The following PIP4K2A variants were observed in gnomAD, a reference collection of about 807,000 sequenced individuals.
The protein encoded by PIP4K2A is phosphatidylinositol-5-phosphate 4-kinase type 2 alpha.
PIP4K2A carries 14 observed loss-of-function variants against 42.9 expected under a neutral mutation model. The ratio of observed to expected loss-of-function variants is 0.33; its 90% confidence interval spans 0.22 to 0.51. The LOEUF is 0.51. PIP4K2A is among the 20% of genes least tolerant of loss of function. The pLI is 0.97. For synonymous variants in PIP4K2A, 192 were observed against 192.2 expected, an observed-to-expected ratio of 1.00 and a Z score of 0.01; for missense variants, 434 against 519.8, an observed-to-expected ratio of 0.83 and a Z score of 1.61.
chr10:22,544,552 G>A (rs1564413762), intron 7 of PIP4K2A, among the ~76,000 whole-genome samples: 1 of 152,154 alleles, frequency 6.6e-6, no homozygotes, highest in Non-Finnish European at 1.5e-5. Flanking sequence ...AGAGGTGACA[G>A]GGAAAAGGCC....
At chr10:22,608,228 T>C (rs972903440) in intron 2 of PIP4K2A, among the ~76,000 whole-genome samples, 1 of 152,190 alleles carries the variant, frequency 6.6e-6, no homozygotes, top group Admixed American at 6.5e-5. Flanking sequence ...GTCTCCTTTG[T>C]CACAGGCACG....
At chr10:22,542,991 T>TG (rs2130744554) in intron 7 of PIP4K2A, among the ~76,000 whole-genome samples, 1 of 152,286 alleles carries the variant, frequency 6.6e-6, no homozygotes, top group South Asian at 2.1e-4. Flanking sequence ...GCCACCTCGC[T>TG]GGGGAATGCA....
At chr10:22,572,765 C>T (rs1464248336) in intron 5 of PIP4K2A, among the ~76,000 whole-genome samples, 2 of 152,176 alleles carry the variant, frequency 1.3e-5, no homozygotes, top group East Asian at 3.9e-4. Context: ...AGGGGCCCCC[C>T]TTTATCTCCA....
chr10:22,591,789 G>A lies in PIP4K2A; in HGVS notation c.340-8C>T. ...GCTCCTGGTCAGGGAATTCTTCCCG[G>A]GTGGGGTAAGAGGGGAAGGAAGGCG... On this transcript the variant is annotated splice_polypyrimidine_tract_variant and splice_region_variant and intron_variant, in intron 3 of 9. Transcript: ENST00000376573. The A allele has an allele frequency of 6.2e-7, 1 of 1,606,342 alleles. No individual in the cohort carries two copies. The highest frequency in any genetic ancestry group is 1.3e-5 in the African/African-American group (1 of 74,860).
intron 1 of PIP4K2A, among the ~76,000 whole-genome samples, chr10:22,689,844 T>C (rs1442306351): frequency 1.3e-5 from 2 of 152,230 alleles, no homozygotes; most frequent in East Asian, 1.9e-4. Flanking sequence ...CACCTTGCGA[T>C]GTCTTTACCA....
chr10:22,664,204 C>CAT (rs142690116), intron 1 of PIP4K2A, among the ~76,000 whole-genome samples: 12 of 47,730 alleles, frequency 2.5e-4, no homozygotes, highest in Admixed American at 2.9e-4. Context: ...TATATATATA[C>CAT]ATATATATAT....
intron 1 of PIP4K2A, among the ~76,000 whole-genome samples, chr10:22,668,591 T>A (rs1303191419): frequency 1.3e-5 from 2 of 152,228 alleles, no homozygotes; most frequent in Admixed American, 1.3e-4. Flanking sequence ...TATTTGGAAC[T>A]CAGAATGCAT....
chr10:22,639,597 G>A (rs1287140472), intron 1 of PIP4K2A, among the ~76,000 whole-genome samples: 1 of 152,024 alleles, frequency 6.6e-6, no homozygotes, highest in Non-Finnish European at 1.5e-5. Context: ...GGAATATCCT[G>A]AAATTTCTTT....
intron 1 of PIP4K2A, among the ~76,000 whole-genome samples, chr10:22,696,316 C>T (rs892000444): frequency 6.6e-6 from 1 of 152,188 alleles, no homozygotes; most frequent in Non-Finnish European, 1.5e-5. Context: ...AGCTGACATG[C>T]CCAACTGTTA....
intron 1 of PIP4K2A, among the ~76,000 whole-genome samples, chr10:22,643,362 G>A (rs1838818240): frequency 6.6e-6 from 1 of 152,162 alleles, no homozygotes; most frequent in Admixed American, 6.5e-5. Flanking sequence ...TTGAGTCACT[G>A]ACAGAAACTG....
At chr10:22,642,687 ATAGT>A (rs370551290) in intron 1 of PIP4K2A, among the ~76,000 whole-genome samples, 1 of 138,714 alleles carries the variant, frequency 7.2e-6, no homozygotes, top group Non-Finnish European at 1.5e-5. Flanking sequence ...CATCAAAACG[ATAGT>A]TAGAACAGGT....
chr10:22,681,897 A>C (rs957295377), intron 1 of PIP4K2A, among the ~76,000 whole-genome samples: 1 of 152,202 alleles, frequency 6.6e-6, no homozygotes, highest in Admixed American at 6.5e-5. Context: ...CAAACTGGCA[A>C]ACAAATGAGT....
intron 1 of PIP4K2A, among the ~76,000 whole-genome samples, chr10:22,636,007 A>C (rs1838655031): frequency 6.6e-6 from 1 of 152,234 alleles, no homozygotes; most frequent in Non-Finnish European, 1.5e-5. Context: ...AACATTTAGA[A>C]GTAATCGGCA....
intron 1 of PIP4K2A, among the ~76,000 whole-genome samples, chr10:22,692,498 G>A (rs895164817): frequency 1.3e-5 from 2 of 152,086 alleles, no homozygotes; most frequent in African/African-American, 4.8e-5. Flanking sequence ...TAGATTATTT[G>A]AGAACTAGGG....
chr10:22,566,497 C>T (rs932839859), intron 6 of PIP4K2A, among the ~76,000 whole-genome samples: 1 of 152,132 alleles, frequency 6.6e-6, no homozygotes. Context: ...GCACCTCTGG[C>T]ACTCAATCCC....
At chr10:22,579,487 C>T (rs1163687253) in intron 4 of PIP4K2A, among the ~76,000 whole-genome samples, 2 of 152,210 alleles carry the variant, frequency 1.3e-5, no homozygotes, top group South Asian at 2.1e-4. Flanking sequence ...AATTAGAGGA[C>T]GTCTGCCTCC....
intron 1 of PIP4K2A, among the ~76,000 whole-genome samples, chr10:22,674,649 A>G (rs1393760362): frequency 2.6e-5 from 4 of 152,110 alleles, no homozygotes; most frequent in Non-Finnish European, 4.4e-5. Context: ...TTGTTTTACT[A>G]AGAAATTTCC....
chr10:22,537,012 C>T lies in PIP4K2A; in HGVS notation c.*189G>A, dbSNP rs935858665. 15 of 495,278 alleles carry T rather than the reference C, an allele frequency of 3.0e-5. No individual in the cohort carries two copies. The highest frequency in any genetic ancestry group is 6.5e-5 in the South Asian group (3 of 46,182). 30.7% of individuals were successfully genotyped at this position (495,278 alleles called of 1,614,324 possible). Reference sequence around the variant, plus strand: ...TACACAAAGTCAGAAATAGCTAGAACGATGCTGGGAAAATCAGGTAGCTGT... The same window carrying T: ...TACACAAAGTCAGAAATAGCTAGAATGATGCTGGGAAAATCAGGTAGCTGT... On this transcript the variant is annotated 3_prime_UTR_variant, in exon 10 of 10. Transcript: ENST00000376573.
chr10:22,549,351 CT>C lies in PIP4K2A; in HGVS notation c.792+1307del, dbSNP rs74261081. 4.9e-3 allele frequency among the ~76,000 whole-genome samples: 688 copies of C among 141,536 alleles called. 1 individual carries two copies. Among genetic ancestry groups the C allele is most frequent in the African/African-American group, 8.4e-3 (325 of 38,806 alleles). The allele number at this position is 141,536 out of a possible 152,430, so 92.9% of individuals were successfully genotyped here. On this transcript the variant is annotated intron_variant, in intron 7 of 9. Coordinates refer to ENST00000376573, the MANE Select transcript of PIP4K2A (RefSeq NM_005028.5). ...CTGTGGCTTTCGTCATTTTCTTTTT[CT>C]TTTTTTTTTTTTGGTTTAATGACAT...
Sources: allele counts gnomAD v4.1 joint callset (sites outside exome capture counted in the v4.1 genomes callset), GRCh38; gene constraint gnomAD v4.1.1; transcripts MANE v1.5; gene names NCBI Gene and HGNC (gene_info 2026-07-23, HGNC 2026-07-21).